KCNK13: variants seen among roughly 807,000 people sequenced by gnomAD.
KCNK13 encodes the protein potassium two pore domain channel subfamily K member 13, also known as potassium channel subfamily K member 13.
KCNK13 carries 12 observed loss-of-function variants against 23.4 expected under a neutral mutation model. The observed-to-expected ratio is 0.51, with a 90% CI of 0.33 to 0.83. The LOEUF is 0.83. KCNK13 is among the 40% of genes least tolerant of loss of function. The pLI is 0.02. For missense variants in KCNK13, 463 were observed against 556.3 expected (o/e 0.83, Z 1.69); for synonymous variants, 231 against 229.5 (o/e 1.01, Z -0.06).
At chr14:90,183,694 A>T (rs550450645) in intron 1 of KCNK13, among the ~76,000 whole-genome samples, 1 of 152,204 alleles carries the variant, frequency 6.6e-6, no homozygotes, top group Non-Finnish European at 1.5e-5. Context: ...ATGAGTCTGT[A>T]TAAGCCTCTT....
At chr14:90,151,816 G>A (rs1000125735) in intron 1 of KCNK13, among the ~76,000 whole-genome samples, 5 of 152,102 alleles carry the variant, frequency 3.3e-5, no homozygotes, top group African/African-American at 1.2e-4. Context: ...TGGTATAAGG[G>A]TCCAGTTTCA....
chr14:90,173,964 A>G (rs1208829206), intron 1 of KCNK13, among the ~76,000 whole-genome samples: 1 of 152,182 alleles, frequency 6.6e-6, no homozygotes, highest in Non-Finnish European at 1.5e-5. Context: ...CACATCTTAC[A>G]TGGCAGCAGG....
chr14:90,086,271 AC>A (rs1889275188), intron 1 of KCNK13, among the ~76,000 whole-genome samples: 1 of 152,198 alleles, frequency 6.6e-6, no homozygotes, highest in Non-Finnish European at 1.5e-5. Context: ...CTCCTGTGGT[AC>A]TATACAAAGA....
intron 1 of KCNK13, among the ~76,000 whole-genome samples, chr14:90,102,946 A>G (rs1441317147): frequency 2.0e-5 from 3 of 152,162 alleles, no homozygotes; most frequent in Non-Finnish European, 4.4e-5. Context: ...TCCCTGCTCT[A>G]GTAGTCTGCA....
At chr14:90,063,886 C>G (rs533092295) in intron 1 of KCNK13, among the ~76,000 whole-genome samples, 1 of 152,178 alleles carries the variant, frequency 6.6e-6, no homozygotes, top group Non-Finnish European at 1.5e-5. Context: ...AGGGACACAC[C>G]GGCTGTATCT....
intron 1 of KCNK13, among the ~76,000 whole-genome samples, chr14:90,066,522 C>T (rs1220675303): frequency 6.6e-6 from 1 of 152,164 alleles, no homozygotes; most frequent in Admixed American, 6.5e-5. Flanking sequence ...CCACCTCAGC[C>T]TCCCAAAGTG....
intron 1 of KCNK13, among the ~76,000 whole-genome samples, chr14:90,091,704 C>T (rs11623825): frequency 0.15 from 22,379 of 151,386 alleles, 2,083 homozygotes; most frequent in South Asian, 0.24. Flanking sequence ...ACCCTCTTCT[C>T]GGTGGGGTAG....
chr14:90,087,139 T>TACACATATATATATATATATAC (rs1566949156), intron 1 of KCNK13, among the ~76,000 whole-genome samples: 6 of 112,986 alleles, frequency 5.3e-5, no homozygotes, highest in African/African-American at 2.2e-4. Flanking sequence ...CATATATATA[T>TACACATATATATATATATATAC]ATATATATAT....
intron 1 of KCNK13, among the ~76,000 whole-genome samples, chr14:90,155,209 G>T (rs1421810892): frequency 6.6e-6 from 1 of 152,150 alleles, no homozygotes; most frequent in African/African-American, 2.4e-5. Flanking sequence ...GAGGTGAAAG[G>T]ATGAGGCTTG....
chr14:90,141,803 G>GGAC (rs1890010992), intron 1 of KCNK13, among the ~76,000 whole-genome samples: 1 of 143,868 alleles, frequency 7.0e-6, no homozygotes, highest in African/African-American at 2.6e-5. Flanking sequence ...TTGGGGGGGG[G>GGAC]GACGGAGCCT....
At chr14:90,147,079 C>T (rs545915454) in intron 1 of KCNK13, among the ~76,000 whole-genome samples, 173 of 152,272 alleles carry the variant, frequency 1.1e-3, no homozygotes, top group Admixed American at 2.7e-3. Flanking sequence ...ATACAAGTAT[C>T]TTAAGATAAT....
At chr14:90,114,654 A>G (rs1889654549) in intron 1 of KCNK13, among the ~76,000 whole-genome samples, 1 of 152,084 alleles carries the variant, frequency 6.6e-6, no homozygotes, top group African/African-American at 2.4e-5. Flanking sequence ...ATCTTTTTTC[A>G]TGTATGTTAA....
At chr14:90,113,407 T>G (rs1889638550) in intron 1 of KCNK13, among the ~76,000 whole-genome samples, 1 of 152,224 alleles carries the variant, frequency 6.6e-6, no homozygotes, top group Admixed American at 6.5e-5. Context: ...TTTTTAAGTT[T>G]AAAGCACCAA....
rs58060238 is a variant in KCNK13, at chr14:90,138,078, G to A, written c.335-46033G>A. ...CCCATAACAGAGAAAAAAATGTAGG[G>A]TCAAGAACCTGAAAGTCAAAGCAAT... is the stretch of plus-strand genomic sequence containing the variant. On this transcript the variant is annotated intron_variant, in intron 1 of 1. Transcript: ENST00000282146. Among the ~76,000 whole-genome samples the A allele has an allele frequency of 2.5e-3, 375 of 152,214 alleles. 2 individuals are homozygous for A. Among genetic ancestry groups the A allele is most frequent in the African/African-American group, 8.3e-3 (344 of 41,524 alleles).
At chr14:90,101,870 G>A (rs542274101) in intron 1 of KCNK13, among the ~76,000 whole-genome samples, 83 of 141,270 alleles carry the variant, frequency 5.9e-4, no homozygotes, top group African/African-American at 2.0e-3. Flanking sequence ...CTGTTCCCCC[G>A]AAAACCTATG....
intron 1 of KCNK13, chr14:90,177,402 C>A (rs1890434990): frequency 6.6e-6 from 1 of 152,126 alleles, no homozygotes; most frequent in Admixed American, 6.5e-5. Context: ...CTCGAAATAA[C>A]CTGATTGAAA....
chr14:90,087,096 A>G (rs1052012837), intron 1 of KCNK13, among the ~76,000 whole-genome samples: 3 of 142,836 alleles, frequency 2.1e-5, no homozygotes, highest in African/African-American at 7.7e-5. Flanking sequence ...TAATTTTATT[A>G]TTTCATTTTA....
At chr14:90,066,270 AT>A (rs773031092) in intron 1 of KCNK13, among the ~76,000 whole-genome samples, 2 of 142,690 alleles carry the variant, frequency 1.4e-5, no homozygotes, top group African/African-American at 5.2e-5. Context: ...CCCACTTTTT[AT>A]TTTTTTATTT....
At chr14:90,146,001 C>T (rs981071302) in intron 1 of KCNK13, among the ~76,000 whole-genome samples, 1 of 151,884 alleles carries the variant, frequency 6.6e-6, no homozygotes, top group African/African-American at 2.4e-5. Flanking sequence ...TGTCTCAAAA[C>T]AAAACAAAAC....
Sources: allele counts gnomAD v4.1 joint callset (sites outside exome capture counted in the v4.1 genomes callset), GRCh38; gene constraint gnomAD v4.1.1; transcripts MANE v1.5; gene names NCBI Gene and HGNC (gene_info 2026-07-23, HGNC 2026-07-21).